HERC1: variants seen among roughly 807,000 people sequenced by gnomAD.
The protein encoded by HERC1 is HECT and RLD domain containing E3 ubiquitin protein ligase family member 1, also known as probable E3 ubiquitin-protein ligase HERC1.
Under a neutral mutation model 554.3 loss-of-function variants are expected in HERC1, and 160 were observed. The observed-to-expected ratio is 0.29, with a 90% CI of 0.25 to 0.33. The LOEUF (loss-of-function observed/expected upper bound fraction) is 0.33. Ranked by LOEUF, HERC1 falls within the 10% of genes least tolerant of loss-of-function variation. The pLI is 1.00. For missense variants in HERC1, 4,919 were observed against 5,918.5 expected (o/e 0.83, Z 5.54); for synonymous variants, 2,175 against 2,131.7 (o/e 1.02, Z -0.56).
At chr15:63,615,665 A>T in intron 76 of HERC1, 103 bp downstream of exon 76, 1 of 792,024 alleles carries the variant, frequency 1.3e-6, no homozygotes. Flanking sequence ...CAGAGGAATT[A>T]ACACAGTAAA....
At chr15:63,817,190 A>C (rs1781502438) in intron 1 of HERC1, among the ~76,000 whole-genome samples, 1 of 152,198 alleles carries the variant, frequency 6.6e-6, no homozygotes, top group Non-Finnish European at 1.5e-5. Context: ...TAAAGTATGA[A>C]CCTTATTTGG....
At chr15:63,678,411 C>T (rs2071311264) in intron 36 of HERC1, 46 bp from the exon 37 acceptor site, 2 of 1,494,516 alleles carry the variant, frequency 1.3e-6, no homozygotes, top group Non-Finnish European at 1.8e-6. Context: ...ATTAGTAGTT[C>T]TTCTTAGTCA....
chr15:63,657,899 T>G (rs1204811396), intron 48 of HERC1, among the ~76,000 whole-genome samples: 1 of 152,222 alleles, frequency 6.6e-6, no homozygotes, highest in African/African-American at 2.4e-5. Context: ...CTTTCTCTAT[T>G]GCTCTACAGT....
In HERC1 at chr15:63,658,692, A is replaced by G. The variant is rs767123441; in HGVS notation, c.9451T>C (p.Ser3151Pro). ...IGCHGSVEKS[S>P]SGRITLGEQA... ...TCTCCTAACGTTATTCTCCCAGAGG[A>G]GCTCTTTTCTACGGAGCCATGGCAA... The change falls in exon 48 of 78, where the codon TCC becomes CCC. Residue 3151 changes from serine to proline, a missense_variant. Coordinates refer to ENST00000443617, the MANE Select transcript of HERC1 (RefSeq NM_003922.4). 4.3e-6 allele frequency: 7 copies of G among 1,612,704 alleles called. No individual in the cohort carries two copies. Among genetic ancestry groups the G allele is most frequent in the Non-Finnish European group, 5.1e-6 (6 of 1,178,988 alleles).
Position 63,674,489 on chromosome 15 carries a change from T to G in HERC1, c.7699A>C (p.Met2567Leu), listed in dbSNP as rs2071098975. The change falls in exon 38 of 78, where the codon ATG becomes CTG. Residue 2567 changes from methionine (M) to leucine (L), a missense_variant. Met to Leu is a conservative substitution (Grantham distance 15, BLOSUM62 2). Transcript: ENST00000443617. ...VEMRAALQFL[M>L]RHMVKRAVMR... The stretch of plus-strand genomic sequence containing the variant: ...ACTGCTCGCTTCACCATGTGTCGCA[T>G]CAAGAACTGCAGGGCTGCTCGCATC... The G allele has an allele frequency of 6.2e-7, 1 of 1,613,786 alleles. No homozygotes were observed.
intron 54 of HERC1, among the ~76,000 whole-genome samples, 174 bp from the exon 55 acceptor site, chr15:63,648,373 C>T (rs780191103): frequency 5.9e-5 from 9 of 152,220 alleles, no homozygotes; most frequent in Non-Finnish European, 1.3e-4. Context: ...TTCCATGTAA[C>T]ATACTTTTTA....
intron 19 of HERC1, among the ~76,000 whole-genome samples, chr15:63,721,521 G>A (rs574175049): frequency 2.0e-5 from 3 of 151,786 alleles, no homozygotes; most frequent in Non-Finnish European, 4.4e-5. Context: ...AGGAGACTCT[G>A]TCTCAAAAAA....
Position 63,718,957 on chromosome 15 carries a change from T to C in HERC1, c.3743-60A>G. The C allele has an allele frequency of 8.7e-7, 1 of 1,143,482 alleles. No individual in the cohort carries two copies. The highest frequency in any genetic ancestry group is 2.4e-5 in the East Asian group (1 of 41,936). 70.8% of individuals were successfully genotyped at this position (1,143,482 alleles called of 1,614,324 possible). A position where few individuals can be genotyped will look rare whatever the true frequency, so the allele number is the denominator to read the frequency against. On this transcript the variant is annotated intron_variant, in intron 19 of 77. Coordinates refer to ENST00000443617, the MANE Select transcript of HERC1 (RefSeq NM_003922.4). The surrounding 1 kb of genome is among the most constrained non-coding windows in gnomAD (Gnocchi z 4.2). Reference sequence around the variant, plus strand: ...GGCTCAGAAAACAGTTCAGAGGTAATTTTTATAGCTTTAGTCATCCAACAC... The same window carrying C: ...GGCTCAGAAAACAGTTCAGAGGTAACTTTTATAGCTTTAGTCATCCAACAC...
intron 37 of HERC1, among the ~76,000 whole-genome samples, chr15:63,675,392 AG>A (rs934578629): frequency 7.9e-5 from 12 of 152,198 alleles, no homozygotes; most frequent in Non-Finnish European, 7.3e-5. Context: ...ACTTTCTGTA[AG>A]GGGCCAGACA....
In HERC1 at chr15:63,774,722, G is replaced by A; in HGVS notation, c.902C>T (p.Thr301Ile). 6.2e-7 allele frequency: 1 copy of A among 1,612,840 alleles called. No individual in the cohort carries two copies. The highest frequency in any genetic ancestry group is 8.5e-7 in the Non-Finnish European group (1 of 1,179,332). Residue 301 changes from threonine to isoleucine, a missense_variant, in exon 2 of 78, where the codon ACC (threonine) becomes ATC (isoleucine). Thr to Ile is a moderately conservative substitution (Grantham distance 89). This residue lies in a region of HERC1 where 744 missense variants were observed against 1,090.0 expected (regional missense o/e 0.68). Coordinates refer to ENST00000443617, the MANE Select transcript of HERC1 (RefSeq NM_003922.4). ...AGAACGCCTCATCTGCATTAATATG[G>A]TCATAAAGCAGTCAAAGCTGATCAT... ...EGMISFDCFM[T>I]ILMQMRRSLG...
At chr15:63,732,300 C>A (rs1185339766) in intron 14 of HERC1, among the ~76,000 whole-genome samples, 1 of 151,992 alleles carries the variant, frequency 6.6e-6, no homozygotes, top group Non-Finnish European at 1.5e-5. Flanking sequence ...CGCGCCTGGC[C>A]TGAAGGGGTT....
At chr15:63,810,438 G>T (rs1324220010) in intron 1 of HERC1, among the ~76,000 whole-genome samples, 1 of 151,986 alleles carries the variant, frequency 6.6e-6, no homozygotes, top group East Asian at 1.9e-4. Flanking sequence ...AAAAAGAGGG[G>T]CTATATATAT....
chr15:63,737,178 T>C (rs898994612), intron 12 of HERC1, among the ~76,000 whole-genome samples: 1 of 151,062 alleles, frequency 6.6e-6, no homozygotes, highest in Non-Finnish European at 1.5e-5. Flanking sequence ...GGCTAGAATA[T>C]AGAATTAAAT....
intron 22 of HERC1, among the ~76,000 whole-genome samples, chr15:63,714,528 CTTT>C (rs913618700): frequency 2.2e-5 from 3 of 133,782 alleles, no homozygotes; most frequent in African/African-American, 8.3e-5. Context: ...CAGTATTCTT[CTTT>C]TTTTCCTTTT....
At chr15:63,820,312 G>A (rs912845578) in intron 1 of HERC1, among the ~76,000 whole-genome samples, 41 of 152,188 alleles carry the variant, frequency 2.7e-4, no homozygotes, top group African/African-American at 9.4e-4. Context: ...CAAATTTTGA[G>A]AAGGCAGATA....
intron 1 of HERC1, among the ~76,000 whole-genome samples, chr15:63,790,631 C>A (rs1006668634): frequency 1.3e-5 from 2 of 151,958 alleles, no homozygotes; most frequent in Non-Finnish European, 2.9e-5. Context: ...ATAATAGACA[C>A]CCAAACTCAG....
intron 39 of HERC1, among the ~76,000 whole-genome samples, chr15:63,671,449 C>T (rs1467449895): frequency 2.0e-5 from 3 of 151,892 alleles, no homozygotes; most frequent in Admixed American, 6.6e-5. Flanking sequence ...TGAACAGACG[C>T]ACCTCCTGAA....
At chr15:63,663,692 C>T (rs2070471346) in intron 43 of HERC1, among the ~76,000 whole-genome samples, 1 of 152,290 alleles carries the variant, frequency 6.6e-6, no homozygotes, top group Middle Eastern at 3.4e-3. Context: ...CTCCTAGCCT[C>T]AAGTGATTTC....
chr15:63,733,742 C>T (rs1459075019), intron 13 of HERC1, among the ~76,000 whole-genome samples: 1 of 152,122 alleles, frequency 6.6e-6, no homozygotes, highest in Non-Finnish European at 1.5e-5. Context: ...GTTTCAGCTA[C>T]TCAGAAGGCT....
Sources: gnomAD v4.1 joint callset for allele counts (sites outside exome capture counted in the v4.1 genomes callset) on GRCh38, gnomAD v4.1.1 for gene constraint, gnomAD v4.1.1 regional missense constraint, Gnocchi (gnomAD v3.1) non-coding constraint, MANE v1.5 for transcripts, NCBI Gene and HGNC (gene_info 2026-07-23, HGNC 2026-07-21) for gene names.